The following RASGRP4 variants were observed in gnomAD, a reference collection of about 807,000 sequenced individuals.
RASGRP4 encodes the protein RAS guanyl releasing protein 4, also known as RAS guanyl-releasing protein 4.
A neutral mutation model predicts 84.4 loss-of-function variants in RASGRP4; 52 were observed. The observed-to-expected ratio is 0.62, with a 90% confidence interval of 0.49 to 0.78. The LOEUF is 0.78. RASGRP4 is among the 30% of genes least tolerant of loss of function. The pLI, the probability that RASGRP4 is intolerant of heterozygous loss-of-function variation, is 0.00. For synonymous variants in RASGRP4, 356 were observed against 359.1 expected (o/e 0.99, Z 0.10); for missense variants, 760 against 886.9 (o/e 0.86, Z 1.82).
rs1971376171 is a variant in RASGRP4 at position 38,413,704 on chromosome 19, G to A, written c.1231-230C>T. On this transcript the variant is annotated intron_variant, in intron 9 of 16. Transcript: ENST00000615439. The surrounding 1 kb of genome is among the most constrained non-coding windows in gnomAD (Gnocchi z 4.7). ...GGTTGTAAGGTGGAATGAGGTACCT[G>A]GCACACAGTCAATGATCAATAACTG... Among the ~76,000 whole-genome samples the A allele has an allele frequency of 6.6e-6, 1 of 152,164 alleles. No individual in the cohort carries two copies. The highest frequency in any genetic ancestry group is 6.5e-5 in the Admixed American group (1 of 15,270).
chr19:38,413,036 T>A lies in RASGRP4; in HGVS notation c.1430A>T (p.Asn477Ile). 1.2e-6 allele frequency: 2 copies of A among 1,613,828 alleles called. No homozygotes were observed. The highest frequency in any genetic ancestry group is 1.7e-6 in the Non-Finnish European group (2 of 1,179,708). The change falls in exon 12 of 17, where the codon AAT (asparagine) becomes ATT (isoleucine). Residue 477 changes from asparagine to isoleucine, a missense_variant. Coordinates refer to ENST00000615439, the MANE Select transcript of RASGRP4 (RefSeq NM_170604.3). The surrounding 1 kb of genome is among the most constrained non-coding windows in gnomAD (Gnocchi z 4.7). ...VEQLVESVFK[N>I]YDPEGRGTIS... ...TGTTCCTCGGCCTTCAGGGTCATAA[T>A]TCTTGAACACAGACTTCAGAGGAGT...
chr19:38,411,376 C>G lies in RASGRP4; in HGVS notation c.1686G>C (p.Trp562Cys). ...TFCDSCSGFLWGVTKQGYRCR... is the reference protein window; with the variant it reads ...TFCDSCSGFLCGVTKQGYRCR... Reference sequence around the variant, plus strand: ...AGCGGTAGCCTTGCTTGGTGACACCCCAGAGCTGGGAAGAGAAAGGAGAAA... The same window carrying G: ...AGCGGTAGCCTTGCTTGGTGACACCGCAGAGCTGGGAAGAGAAAGGAGAAA... The change falls in exon 14 of 17, where the codon TGG (tryptophan) becomes TGC (cysteine). Residue 562 changes from tryptophan to cysteine, a missense_variant. Trp to Cys is a radical substitution (Grantham distance 215). Coordinates refer to ENST00000615439, the MANE Select transcript of RASGRP4 (RefSeq NM_170604.3). 1 of 1,577,278 alleles carries G rather than the reference C, an allele frequency of 6.3e-7. No individual in the cohort carries two copies. Among genetic ancestry groups the G allele is most frequent in the Non-Finnish European group, 8.6e-7 (1 of 1,159,724 alleles).
In RASGRP4 at chr19:38,418,768, G is replaced by A. The variant is rs1971614603; in HGVS notation, c.664-204C>T. Reference sequence around the variant, plus strand: ...ATCTGAGGAGGCATGTTTCAATATAGCCAGGCACTATATTTGACAAGTAAT... The same window carrying A: ...ATCTGAGGAGGCATGTTTCAATATAACCAGGCACTATATTTGACAAGTAAT... On this transcript the variant is annotated intron_variant, in intron 6 of 16. Coordinates refer to ENST00000615439, the MANE Select transcript of RASGRP4 (RefSeq NM_170604.3). This position sits in a 1 kb window ranked among gnomAD's most constrained non-coding sequence, Gnocchi z 4.6. 6.6e-6 allele frequency among the ~76,000 whole-genome samples: 1 copy of A among 152,158 alleles called. No homozygotes were observed. The highest frequency in any genetic ancestry group is 1.5e-5 in the Non-Finnish European group (1 of 68,026).
rs1971652455 is a variant in RASGRP4 at position 38,419,712 on chromosome 19, C to T, written c.663+148G>A. ...GCCTCTTTAACTCATTTTCCTGGAC[C>T]TTCTAGCATACAGGTTTGAGTTTAA... On this transcript the variant is annotated intron_variant, in intron 6 of 16. Transcript: ENST00000615439. 4.7e-6 allele frequency: 4 copies of T among 843,324 alleles called. No homozygotes were observed. In the Admixed American group the frequency reaches 8.5e-5, roughly 18 times the overall value. The allele number at this position is 843,324 out of a possible 1,614,324, so 52.2% of individuals were successfully genotyped here.
At position 38,412,747 on chromosome 19, in the gene RASGRP4, C is replaced by T. The variant is rs773609803; in HGVS notation, c.1605G>A (p.Leu535=). Residue 535 remains leucine, a synonymous_variant, in exon 13 of 17, where the codon TTG becomes TTA. Transcript: ENST00000615439. The surrounding 1 kb of genome is among the most constrained non-coding windows in gnomAD (Gnocchi z 4.6). Reference sequence around the variant, plus strand: ...GGAAGGTGTGCAGGAAGGCCAGGCCCAACTTGGAGCAGATGGCGCTGGCCC... The same window carrying T: ...GGAAGGTGTGCAGGAAGGCCAGGCCTAACTTGGAGCAGATGGCGCTGGCCC... ...LLRASAICSK[L]GLAFLHTFHE... 2 of 1,611,450 alleles carry T rather than the reference C, an allele frequency of 1.2e-6. No individual in the cohort carries two copies. The highest frequency in any genetic ancestry group is 1.7e-6 in the Non-Finnish European group (2 of 1,178,822).
Position 38,413,004 on chromosome 19 carries a change from G to A in RASGRP4, c.1462C>T (p.Gln488Ter). 6.2e-7 allele frequency: 1 copy of A among 1,614,026 alleles called. No individual in the cohort carries two copies. The highest frequency in any genetic ancestry group is 1.3e-5 in the African/African-American group (1 of 75,048). Residue 488 changes from glutamine to a stop codon, truncating the protein, a stop_gained, in exon 12 of 17, where the codon CAG (glutamine) becomes TAG (stop). Coordinates refer to ENST00000615439, the MANE Select transcript of RASGRP4 (RefSeq NM_170604.3). LOFTEE classifies it high-confidence loss of function. This position sits in a 1 kb window ranked among gnomAD's most constrained non-coding sequence, Gnocchi z 4.7. ...YDPEGRGTIS[Q>*]EDFERLSGNF... Reference sequence around the variant, plus strand: ...CCCGAGAGTCGCTCAAAGTCCTCCTGAGAGATTGTTCCTCGGCCTTCAGGG... The same window carrying A: ...CCCGAGAGTCGCTCAAAGTCCTCCTAAGAGATTGTTCCTCGGCCTTCAGGG...
At chr19:38,410,853 A>G (rs1459577186) in intron 16 of RASGRP4, 33 bp downstream of exon 16, 2 of 1,446,850 alleles carry the variant, frequency 1.4e-6, no homozygotes, top group Non-Finnish European at 1.9e-6. Context: ...TGTCCCCTGT[A>G]TCCACTTGGG....
chr19:38,416,965 G>C, intron 8 of RASGRP4, 87 bp downstream of exon 8: 1 of 784,066 alleles, frequency 1.3e-6, no homozygotes, highest in Non-Finnish European at 2.2e-6. Context: ...GGACCCCTGG[G>C]CAGGAATGGA....
At chr19:38,420,812 GGAA>G in intron 4 of RASGRP4, 93 bp downstream of exon 4, 9 of 1,295,730 alleles carry the variant, frequency 6.9e-6, no homozygotes, top group Non-Finnish European at 1.0e-5. Flanking sequence ...TGGGTCTGTG[GGAA>G]CTGGCCTGGG....
At chr19:38,422,865 C>T (rs1401651813) in intron 1 of RASGRP4, among the ~76,000 whole-genome samples, 1 of 152,082 alleles carries the variant, frequency 6.6e-6, no homozygotes, top group African/African-American at 2.4e-5. Flanking sequence ...CCCCCTTCCA[C>T]AAAACTGGTC....
rs766863261 is a variant in RASGRP4 at position 38,419,872 on chromosome 19, G to C, written c.651C>G (p.Phe217Leu). The C allele has an allele frequency of 3.1e-6, 5 of 1,599,320 alleles. No individual in the cohort carries two copies. The highest frequency in any genetic ancestry group is 4.3e-6 in the Non-Finnish European group (5 of 1,172,918). ...QHLTYLEFRS[F>L]QAITPQDLRS... ...AGGGGGTCCTCACCGTGATAGCCTG[G>C]AAGGACCGGAACTCCAGGTAGGTGA... is the stretch of plus-strand genomic sequence containing the variant. Residue 217 changes from phenylalanine (F) to leucine (L), a missense_variant, in exon 6 of 17, where the codon TTC becomes TTG. By Grantham distance (22) the Phe-to-Leu change is conservative. Coordinates refer to ENST00000615439, the MANE Select transcript of RASGRP4 (RefSeq NM_170604.3).
In RASGRP4 at chr19:38,418,306, G is replaced by A; in HGVS notation, c.837+85C>T. 7.1e-7 allele frequency: 1 copy of A among 1,399,950 alleles called. No individual in the cohort carries two copies. The highest frequency in any genetic ancestry group is 2.5e-5 in the East Asian group (1 of 40,020). The allele number at this position is 1,399,950 out of a possible 1,614,324, so 86.7% of individuals were successfully genotyped here. ...AGATGCGTGACGTCACCGCCGGGAT[G>A]ACCCTGTGGGGTCGAGGGTCTGGAA... On this transcript the variant is annotated intron_variant, in intron 7 of 16. Transcript: ENST00000615439. This position sits in a 1 kb window ranked among gnomAD's most constrained non-coding sequence, Gnocchi z 4.6.
In RASGRP4 at chr19:38,426,160, G is replaced by A; in HGVS notation, c.-69C>T. 1 of 1,227,494 alleles carries A rather than the reference G, an allele frequency of 8.1e-7. No individual in the cohort carries two copies. The highest frequency in any genetic ancestry group is 1.0e-6 in the Non-Finnish European group (1 of 961,834). The allele number at this position is 1,227,494 out of a possible 1,614,324, so 76.0% of individuals were successfully genotyped here. On this transcript the variant is annotated 5_prime_UTR_variant, in exon 1 of 17. Transcript: ENST00000615439. ...GGGCTCAGCTCCTCCCCTTGCCCAGGACTCCAGCTTCTCAGCCCCTAGGGA... is the reference window on the plus strand; with the variant it reads ...GGGCTCAGCTCCTCCCCTTGCCCAGAACTCCAGCTTCTCAGCCCCTAGGGA...
chr19:38,411,337 CCA>C lies in RASGRP4; in HGVS notation c.1717+6_1717+7del. On this transcript the variant is annotated splice_donor_region_variant and intron_variant, in intron 14 of 16. Transcript: ENST00000615439. ...GGCTTCCCTCCCACTCACTGACACC[CCA>C]CTCACCCCGACAGCGGTAGCCTTGC... 1 of 1,605,264 alleles carries C rather than the reference CCA, an allele frequency of 6.2e-7. No homozygotes were observed. The highest frequency in any genetic ancestry group is 1.1e-5 in the South Asian group (1 of 89,716).
Position 38,418,286 on chromosome 19 carries a change from C to A in RASGRP4, c.837+105G>T, listed in dbSNP as rs1241239068. ...GCCTCGGGGGCGGGGCCGGGAGATG[C>A]GTGACGTCACCGCCGGGATGACCCT... On this transcript the variant is annotated intron_variant, in intron 7 of 16. Coordinates refer to ENST00000615439, the MANE Select transcript of RASGRP4 (RefSeq NM_170604.3). This position sits in a 1 kb window ranked among gnomAD's most constrained non-coding sequence, Gnocchi z 4.6. 2 of 1,191,832 alleles carry A rather than the reference C, an allele frequency of 1.7e-6. No homozygotes were observed. The highest frequency in any genetic ancestry group is 2.2e-5 in the Admixed American group (1 of 45,128). 73.8% of individuals were successfully genotyped at this position (1,191,832 alleles called of 1,614,324 possible).
rs1971558406 is a variant in RASGRP4 at position 38,417,769 on chromosome 19, C to T, written c.838-601G>A. On this transcript the variant is annotated intron_variant, in intron 7 of 16. Coordinates refer to ENST00000615439, the MANE Select transcript of RASGRP4 (RefSeq NM_170604.3). This position sits in a 1 kb window ranked among gnomAD's most constrained non-coding sequence, Gnocchi z 5.1. The stretch of plus-strand genomic sequence containing the variant: ...ATGGAAAATGCTCAGACTAAGGACA[C>T]CCCAGGCGGACGTCGAGACCCCCAG... 6.6e-6 allele frequency among the ~76,000 whole-genome samples: 1 copy of T among 152,086 alleles called. No individual in the cohort carries two copies. Among genetic ancestry groups the T allele is most frequent in the African/African-American group, 2.4e-5 (1 of 41,386 alleles).
chr19:38,409,143 T>TGG lies in RASGRP4; in HGVS notation c.*895_*896dup. The TGG allele has an allele frequency of 3.8e-6, 1 of 260,222 alleles. No homozygotes were observed. The highest frequency in any genetic ancestry group is 7.1e-6 in the Non-Finnish European group (1 of 140,140). The allele number at this position is 260,222 out of a possible 1,614,324, so 16.1% of individuals were successfully genotyped here. ...GGGGTGTTGGGGTTTGTGAAGGGGT[T>TGG]GGGGGGGTCTCTGCTCCCTGGGACT... On this transcript the variant is annotated 3_prime_UTR_variant, in exon 17 of 17. Transcript: ENST00000615439.
chr19:38,414,557 C>A (rs1003442512), intron 9 of RASGRP4, among the ~76,000 whole-genome samples: 4 of 152,048 alleles, frequency 2.6e-5, no homozygotes, highest in African/African-American at 9.7e-5. Flanking sequence ...AACTCCTGAC[C>A]TCAGGTGATC....
intron 1 of RASGRP4, among the ~76,000 whole-genome samples, chr19:38,423,383 A>C (rs1971842088): frequency 6.6e-6 from 1 of 151,788 alleles, no homozygotes; most frequent in Non-Finnish European, 1.5e-5. Flanking sequence ...AAAATTGGTC[A>C]GGCGTGATGG....
Sources: allele counts gnomAD v4.1 joint callset (sites outside exome capture counted in the v4.1 genomes callset), GRCh38; gene constraint gnomAD v4.1.1; non-coding constraint Gnocchi (gnomAD v3.1); transcripts MANE v1.5; gene names NCBI Gene and HGNC (gene_info 2026-07-23, HGNC 2026-07-21).